OPHN1: variants seen among roughly 807,000 people sequenced by gnomAD.
OPHN1 encodes oligophrenin 1.
In OPHN1, 11 loss-of-function variants were observed where a neutral mutation model predicts 60.7. The observed-to-expected ratio is 0.18, with a 90% CI of 0.11 to 0.30. The LOEUF (loss-of-function observed/expected upper bound fraction) is 0.30. Ranked by LOEUF, OPHN1 falls within the 10% of genes least tolerant of loss-of-function variation. OPHN1 has a pLI of 1.00. For missense variants in OPHN1, 449 were observed against 611.0 expected (o/e 0.73, Z 2.80); for synonymous variants, 226 against 222.6 (o/e 1.02, Z -0.14).
chrX:68,226,324 G>C (rs186452714), intron 6 of OPHN1, among the ~76,000 whole-genome samples: 2 of 111,779 alleles, frequency 1.8e-5, no homozygotes, highest in East Asian at 5.6e-4. Context: ...TTATCCAGGA[G>C]AACTTCCCCA....
Position 68,393,885 on chromosome X carries a change from G to GTTTTTTTTTTTTTTT in OPHN1, c.154+38967_154+38981dup, listed in dbSNP as rs1163192446. ...CTATCAAGGTGATCCAATAGACTTT[G>GTTTTTTTTTTTTTTT]TTTTTTTTTTTTTTTTTTTTTTTTT... On this transcript the variant is annotated intron_variant, in intron 2 of 24. Coordinates refer to ENST00000355520, the MANE Select transcript of OPHN1 (RefSeq NM_002547.3). Among the ~76,000 whole-genome samples, 22 of 34,600 alleles carry GTTTTTTTTTTTTTTT rather than the reference G, an allele frequency of 6.4e-4. 9 individuals carry two copies. The highest frequency in any genetic ancestry group is 1.1e-3 in the Non-Finnish European group (22 of 20,294). 30.0% of individuals were successfully genotyped at this position (34,600 alleles called of 115,157 possible).
At chrX:68,051,593 C>T (rs1315399637) in intron 23 of OPHN1, among the ~76,000 whole-genome samples, 1 of 111,053 alleles carries the variant, frequency 9.0e-6, no homozygotes, top group Non-Finnish European at 1.9e-5. Flanking sequence ...AATGGGGGCC[C>T]TAAGGCTGTT....
intron 15 of OPHN1, among the ~76,000 whole-genome samples, chrX:68,185,574 C>T (rs1196263619): frequency 9.1e-6 from 1 of 110,255 alleles, no homozygotes; most frequent in Non-Finnish European, 1.9e-5. Context: ...AGAAGGGTTC[C>T]AATGTATGCT....
intron 2 of OPHN1, among the ~76,000 whole-genome samples, chrX:68,351,658 C>A (rs2078411249): frequency 9.0e-6 from 1 of 111,151 alleles, no homozygotes; most frequent in Non-Finnish European, 1.9e-5. Flanking sequence ...GACCTCCCAG[C>A]AGCCACCAAA....
At chrX:68,317,376 A>AAAGAAAGAAAGAAAGAAAGAAAGAAAGG (rs1555970490) in intron 2 of OPHN1, among the ~76,000 whole-genome samples, 32 of 50,546 alleles carry the variant, frequency 6.3e-4, no homozygotes, top group African/African-American at 2.0e-3. Context: ...AGAAAGAAAG[A>AAAGAAAGAAAGAAAGAAAGAAAGAAAGG]AAGGAAGGAA....
chrX:68,242,550 C>T (rs1051991572), intron 5 of OPHN1, among the ~76,000 whole-genome samples: 2 of 111,041 alleles, frequency 1.8e-5, no homozygotes, highest in Non-Finnish European at 3.8e-5. Flanking sequence ...ACCATATAAC[C>T]AGGCAATTTC....
At chrX:68,182,193 T>TTG (rs2077440472) in intron 15 of OPHN1, among the ~76,000 whole-genome samples, 1 of 96,082 alleles carries the variant, frequency 1.0e-5, no homozygotes. Context: ...CTGTAGTTTT[T>TTG]TTTTTTTTTT....
chrX:68,301,243 C>T (rs776281704), intron 2 of OPHN1, among the ~76,000 whole-genome samples: 139 of 110,423 alleles, frequency 1.3e-3, no homozygotes, highest in Middle Eastern at 9.2e-3. Flanking sequence ...GTCAGGAGTT[C>T]GAGACCAGCT....
At chrX:68,376,408 T>C (rs780564893) in intron 2 of OPHN1, among the ~76,000 whole-genome samples, 1 of 110,989 alleles carries the variant, frequency 9.0e-6, no homozygotes, top group East Asian at 2.8e-4. Context: ...TGTAAAGGAA[T>C]GAATTGGGGA....
chrX:68,296,487 G>A (rs2078095502), intron 3 of OPHN1, among the ~76,000 whole-genome samples: 1 of 109,396 alleles, frequency 9.1e-6, no homozygotes, highest in Non-Finnish European at 1.9e-5. Context: ...GTGAAACCGT[G>A]TATCTATTAA....
chrX:68,086,758 C>T (rs1410083050), intron 19 of OPHN1, among the ~76,000 whole-genome samples: 1 of 111,788 alleles, frequency 8.9e-6, no homozygotes, highest in Non-Finnish European at 1.9e-5. Flanking sequence ...CTCCTCTGGA[C>T]ACTGTAGTGG....
At chrX:68,185,530 C>A (rs1462026893) in intron 15 of OPHN1, among the ~76,000 whole-genome samples, 1 of 111,296 alleles carries the variant, frequency 9.0e-6, no homozygotes, top group African/African-American at 3.3e-5. Flanking sequence ...ACTAGTCTTT[C>A]ATTTATGATC....
intron 5 of OPHN1, among the ~76,000 whole-genome samples, chrX:68,259,261 G>A (rs934553175): frequency 7.2e-5 from 8 of 110,928 alleles, no homozygotes; most frequent in Non-Finnish European, 1.3e-4. Context: ...GACCAGTCTG[G>A]GCAATACAGG....
At chrX:68,416,057 TATATATATATAGAGAGAGAGAGAGAG>T (rs1157083312) in intron 2 of OPHN1, among the ~76,000 whole-genome samples, 23 of 7,880 alleles carry the variant, frequency 2.9e-3, no homozygotes, top group African/African-American at 3.8e-3. Context: ...TATATATATA[TATATATATATAGAGAGAGAGAGAGAG>T]AGAGAGAGAG....
chrX:68,217,238 C>T (rs2077616127), intron 6 of OPHN1, among the ~76,000 whole-genome samples: 1 of 112,154 alleles, frequency 8.9e-6, no homozygotes, highest in African/African-American at 3.2e-5. Context: ...AAAAACGGAG[C>T]ACCACGAGAT....
chrX:68,175,868 A>G (rs2077412188), intron 15 of OPHN1, among the ~76,000 whole-genome samples: 1 of 112,209 alleles, frequency 8.9e-6, no homozygotes, highest in Non-Finnish European at 1.9e-5. Flanking sequence ...TGGCATAAAG[A>G]CAGACCTGCA....
At chrX:68,367,005 ACAT>A (rs1181650117) in intron 2 of OPHN1, among the ~76,000 whole-genome samples, 3 of 110,984 alleles carry the variant, frequency 2.7e-5, no homozygotes, top group African/African-American at 9.8e-5. Context: ...AGTCAGAGTG[ACAT>A]CAGCAAAATG....
chrX:68,083,054 CTT>C (rs869083899), intron 19 of OPHN1, among the ~76,000 whole-genome samples: 1 of 37,450 alleles, frequency 2.7e-5, no homozygotes, highest in African/African-American at 1.2e-4. Flanking sequence ...CTGCTAGTTT[CTT>C]TTTTTTTTTT....
chrX:68,136,942 G>T (rs1186400096), intron 15 of OPHN1, among the ~76,000 whole-genome samples: 1 of 111,930 alleles, frequency 8.9e-6, no homozygotes. Context: ...ATGAGGAAGT[G>T]CATATGGGAA....
Sources: gnomAD v4.1 joint callset for allele counts (sites outside exome capture counted in the v4.1 genomes callset) on GRCh38, gnomAD v4.1.1 for gene constraint, MANE v1.5 for transcripts, NCBI Gene and HGNC (gene_info 2026-07-23, HGNC 2026-07-21) for gene names.